The following ASIC2 variants were observed in gnomAD, a reference collection of about 807,000 sequenced individuals.
ASIC2 encodes acid-sensing ion channel 2.
Under a neutral mutation model 57.3 loss-of-function variants are expected in ASIC2, and 25 were observed. The observed-to-expected ratio is 0.44, with a 90% CI of 0.32 to 0.61. The LOEUF (loss-of-function observed/expected upper bound fraction) is 0.61, where lower values mean the gene tolerates loss of function less well. Among genes scored for constraint, ASIC2 ranks in the 20% least tolerant of loss-of-function variants. The pLI is 0.06. For missense variants in ASIC2, 641 were observed against 738.1 expected, an observed-to-expected ratio of 0.87 and a Z score of 1.52; for synonymous variants, 319 against 307.5, an observed-to-expected ratio of 1.04 and a Z score of -0.39.
intron 1 of ASIC2, among the ~76,000 whole-genome samples, chr17:34,100,940 A>C (rs978335110): frequency 9.2e-5 from 14 of 152,214 alleles, no homozygotes; most frequent in African/African-American, 3.1e-4. Flanking sequence ...TGTGATGTTG[A>C]ATAAATAATT....
At chr17:33,440,907 T>G (rs1041732209) in intron 1 of ASIC2, among the ~76,000 whole-genome samples, 1 of 152,228 alleles carries the variant, frequency 6.6e-6, no homozygotes. Flanking sequence ...TTGCAATATT[T>G]TTATTACTTG....
intron 1 of ASIC2, among the ~76,000 whole-genome samples, chr17:33,610,373 T>C (rs982068092): frequency 6.6e-6 from 1 of 152,048 alleles, no homozygotes; most frequent in Non-Finnish European, 1.5e-5. Flanking sequence ...GCCAGGCTGG[T>C]CTTGAACTCC....
intron 1 of ASIC2, among the ~76,000 whole-genome samples, chr17:33,473,221 T>C (rs1187692287): frequency 6.6e-6 from 1 of 152,232 alleles, no homozygotes; most frequent in Non-Finnish European, 1.5e-5. Context: ...TGGCATAATA[T>C]CCATCTGTTC....
At chr17:34,116,719 A>G (rs914612382) in intron 1 of ASIC2, among the ~76,000 whole-genome samples, 1 of 152,104 alleles carries the variant, frequency 6.6e-6, no homozygotes, top group Non-Finnish European at 1.5e-5. Context: ...GATTGTTGTT[A>G]GTATGTCTTA....
At chr17:33,212,985 C>T (rs538386585) in intron 1 of ASIC2, among the ~76,000 whole-genome samples, 2 of 152,306 alleles carry the variant, frequency 1.3e-5, no homozygotes, top group African/African-American at 4.8e-5. Flanking sequence ...TCTCAGATCC[C>T]GCCCCCAGAT....
intron 1 of ASIC2, among the ~76,000 whole-genome samples, chr17:33,550,334 A>G (rs1005011522): frequency 2.6e-5 from 4 of 152,222 alleles, no homozygotes; most frequent in Non-Finnish European, 4.4e-5. Context: ...GCGGTCTGCT[A>G]TGTGAGTGCT....
chr17:33,198,196 TA>T (rs1372174782), intron 1 of ASIC2, among the ~76,000 whole-genome samples: 3 of 151,920 alleles, frequency 2.0e-5, no homozygotes, highest in Non-Finnish European at 4.4e-5. Flanking sequence ...CAAAAGATAC[TA>T]AAAAAATTAG....
At chr17:33,436,813 C>G (rs1459203638) in intron 1 of ASIC2, among the ~76,000 whole-genome samples, 1 of 148,028 alleles carries the variant, frequency 6.8e-6, no homozygotes, top group Non-Finnish European at 1.5e-5. Flanking sequence ...CAATAGCAAC[C>G]TATAAGGAAC....
At chr17:33,849,593 G>A (rs182685016) in intron 1 of ASIC2, among the ~76,000 whole-genome samples, 96 of 152,316 alleles carry the variant, frequency 6.3e-4, no homozygotes, top group African/African-American at 2.3e-3. Context: ...CCTTACCCAG[G>A]GGGTGAGACT....
At chr17:33,101,525 C>T (rs2092212051) in intron 2 of ASIC2, among the ~76,000 whole-genome samples, 1 of 152,050 alleles carries the variant, frequency 6.6e-6, no homozygotes, top group Non-Finnish European at 1.5e-5. Context: ...CCATGAATGT[C>T]AACTGCTTGA....
At chr17:34,028,474 C>G (rs779215767) in intron 1 of ASIC2, among the ~76,000 whole-genome samples, 16 of 152,100 alleles carry the variant, frequency 1.1e-4, no homozygotes, top group Middle Eastern at 3.4e-3. Context: ...AGTGTGTAGT[C>G]TGGTTGGTGT....
At chr17:33,075,807 G>C (rs1033203253) in intron 3 of ASIC2, among the ~76,000 whole-genome samples, 1 of 152,164 alleles carries the variant, frequency 6.6e-6, no homozygotes, top group African/African-American at 2.4e-5. Context: ...AAAAGGCATG[G>C]AAGTGAAGGA....
chr17:33,344,207 G>A (rs964764472), intron 1 of ASIC2, among the ~76,000 whole-genome samples: 22 of 152,306 alleles, frequency 1.4e-4, no homozygotes, highest in African/African-American at 5.3e-4. Context: ...CAGGGTGGAT[G>A]CTCAGTAAAT....
At chr17:33,464,476 T>TC (rs1912750638) in intron 1 of ASIC2, among the ~76,000 whole-genome samples, 1 of 71,930 alleles carries the variant, frequency 1.4e-5, no homozygotes, top group African/African-American at 6.4e-5. Flanking sequence ...TCTTTCTTTC[T>TC]TTTCTCTCTT....
intron 1 of ASIC2, among the ~76,000 whole-genome samples, chr17:33,742,394 AT>A (rs1012682577): frequency 4.6e-5 from 7 of 151,934 alleles, no homozygotes; most frequent in Non-Finnish European, 8.8e-5. Flanking sequence ...GTTGAAGCAC[AT>A]TTTTTTGATC....
chr17:33,905,141 CTTTTTT>C (rs57064859), intron 1 of ASIC2, among the ~76,000 whole-genome samples: 2 of 87,854 alleles, frequency 2.3e-5, no homozygotes, highest in Admixed American at 1.3e-4. Flanking sequence ...TAGTTTAAGG[CTTTTTT>C]TTTTTTTTTT....
At chr17:33,266,555 C>T (rs1320113548) in intron 1 of ASIC2, among the ~76,000 whole-genome samples, 1 of 111,922 alleles carries the variant, frequency 8.9e-6, no homozygotes, top group Non-Finnish European at 1.7e-5. Context: ...CCCCCCACCC[C>T]CAGTTGCAGC....
At chr17:33,434,176 T>C (rs979057182) in intron 1 of ASIC2, among the ~76,000 whole-genome samples, 4 of 151,524 alleles carry the variant, frequency 2.6e-5, no homozygotes, top group East Asian at 1.9e-4. Flanking sequence ...CAAATGGTAT[T>C]TGAGAGAAAA....
chr17:33,574,273 A>G (rs972982573), intron 1 of ASIC2, among the ~76,000 whole-genome samples: 3 of 152,024 alleles, frequency 2.0e-5, no homozygotes, highest in African/African-American at 7.2e-5. Flanking sequence ...TCTTGCTTTA[A>G]TTTGCATTCC....
Sources: allele counts gnomAD v4.1 joint callset (sites outside exome capture counted in the v4.1 genomes callset), GRCh38; gene constraint gnomAD v4.1.1; transcripts MANE v1.5; gene names NCBI Gene and HGNC (gene_info 2026-07-23, HGNC 2026-07-21).